Variants in ARHGAP26 observed in about 807,000 individuals in gnomAD.
ARHGAP26 encodes the protein Rho GTPase activating protein 26.
Under a neutral mutation model 104.8 loss-of-function variants are expected in ARHGAP26, and 38 were observed. The observed-to-expected ratio is 0.36, with a 90% confidence interval of 0.28 to 0.48. ARHGAP26 has a LOEUF of 0.48. Among genes scored for constraint, ARHGAP26 ranks in the 20% least tolerant of loss-of-function variants. The pLI, the probability that ARHGAP26 is intolerant of heterozygous loss-of-function variation, is 0.99. For synonymous variants in ARHGAP26, 341 were observed against 340.0 expected, an observed-to-expected ratio of 1.00 and a Z score of -0.03; for missense variants, 704 against 947.9, an observed-to-expected ratio of 0.74 and a Z score of 3.38.
intron 11 of ARHGAP26, among the ~76,000 whole-genome samples, chr5:142,954,773 C>A (rs1259738521): frequency 6.6e-6 from 1 of 152,230 alleles, no homozygotes; most frequent in Non-Finnish European, 1.5e-5. Context: ...CTGACTAGAT[C>A]TAGCCCTTTG....
intron 9 of ARHGAP26, among the ~76,000 whole-genome samples, chr5:142,912,008 A>G (rs1323212959): frequency 1.3e-5 from 2 of 152,246 alleles, no homozygotes; most frequent in Admixed American, 6.5e-5. Context: ...ATGTAGCCAC[A>G]CTTTCTGTTA....
chr5:143,043,271 G>C (rs1285146405), intron 14 of ARHGAP26, among the ~76,000 whole-genome samples: 1 of 152,176 alleles, frequency 6.6e-6, no homozygotes, highest in Non-Finnish European at 1.5e-5. Context: ...GTCATTTCAA[G>C]ATTATTATTT....
intron 17 of ARHGAP26, among the ~76,000 whole-genome samples, chr5:143,093,107 T>G (rs1387975939): frequency 6.6e-6 from 1 of 152,150 alleles, no homozygotes; most frequent in Non-Finnish European, 1.5e-5. Context: ...CAGAATAGCT[T>G]TATATGTTAA....
chr5:143,089,404 A>G (rs568360894), intron 17 of ARHGAP26, among the ~76,000 whole-genome samples: 1 of 152,328 alleles, frequency 6.6e-6, no homozygotes, highest in East Asian at 1.9e-4. Flanking sequence ...CTTTCTATTC[A>G]TGCTGTAAAG....
At chr5:142,838,662 T>G (rs1457010065) in intron 1 of ARHGAP26, among the ~76,000 whole-genome samples, 1 of 152,190 alleles carries the variant, frequency 6.6e-6, no homozygotes, top group Admixed American at 6.5e-5. Context: ...CTGTATATAG[T>G]GGGGCTTATA....
chr5:142,814,594 G>A (rs1356200123), intron 1 of ARHGAP26, among the ~76,000 whole-genome samples: 1 of 152,158 alleles, frequency 6.6e-6, no homozygotes, highest in Admixed American at 6.5e-5. Flanking sequence ...ACAACAAGGT[G>A]AGATAAACAA....
At chr5:143,197,388 T>C (rs138685953) in intron 20 of ARHGAP26, among the ~76,000 whole-genome samples, 3 of 152,344 alleles carry the variant, frequency 2.0e-5, no homozygotes, top group Non-Finnish European at 4.4e-5. Flanking sequence ...CATAAACCTC[T>C]GGTATTTCCA....
intron 17 of ARHGAP26, among the ~76,000 whole-genome samples, chr5:143,113,327 A>T (rs2150730537): frequency 6.6e-6 from 1 of 152,362 alleles, no homozygotes. Flanking sequence ...TTAACATCTC[A>T]GCAGCCTTCT....
chr5:142,812,329 C>T (rs1028131746), intron 1 of ARHGAP26, among the ~76,000 whole-genome samples: 5 of 151,962 alleles, frequency 3.3e-5, no homozygotes, highest in Non-Finnish European at 7.4e-5. Flanking sequence ...TCATGGCTCA[C>T]TGCATCCTTA....
At chr5:143,102,880 T>C (rs1374624401) in intron 17 of ARHGAP26, among the ~76,000 whole-genome samples, 1 of 152,070 alleles carries the variant, frequency 6.6e-6, no homozygotes. Context: ...AGTGCCTCTA[T>C]GAAATAGACC....
At chr5:143,111,201 T>C (rs992260630) in intron 17 of ARHGAP26, among the ~76,000 whole-genome samples, 1 of 152,178 alleles carries the variant, frequency 6.6e-6, no homozygotes, top group Non-Finnish European at 1.5e-5. Context: ...CTTGTAAAAA[T>C]AATCAGGTTC....
intron 1 of ARHGAP26, among the ~76,000 whole-genome samples, chr5:142,855,323 G>C (rs1167160335): frequency 4.6e-5 from 7 of 152,136 alleles, no homozygotes; most frequent in Non-Finnish European, 1.0e-4. Flanking sequence ...ATGCATTTAG[G>C]GTTATTGTTT....
chr5:142,999,950 CAGAAAAAAGACTTGA>C (rs1776968562), intron 11 of ARHGAP26, among the ~76,000 whole-genome samples: 1 of 151,976 alleles, frequency 6.6e-6, no homozygotes, highest in Admixed American at 6.6e-5. Flanking sequence ...AACTAAAAGA[CAGAAAAAAGACTTGA>C]AGAAACGCCG....
intron 12 of ARHGAP26, among the ~76,000 whole-genome samples, chr5:143,027,959 G>A (rs1781308301): frequency 6.6e-6 from 1 of 152,152 alleles, no homozygotes; most frequent in Admixed American, 6.5e-5. Context: ...GCCGCTACTG[G>A]AATAGAAATG....
intron 1 of ARHGAP26, among the ~76,000 whole-genome samples, chr5:142,846,577 A>G (rs948672298): frequency 2.6e-5 from 4 of 152,086 alleles, no homozygotes; most frequent in Non-Finnish European, 4.4e-5. Flanking sequence ...AGGATGTGCT[A>G]TGTCATTCCT....
At chr5:143,041,929 TGGG>T in intron 14 of ARHGAP26, 39 bp downstream of exon 14, 1 of 1,540,704 alleles carries the variant, frequency 6.5e-7, no homozygotes, top group Non-Finnish European at 8.8e-7. Context: ...GGTCCCTGGA[TGGG>T]GGGCCCACTC....
At chr5:142,924,594 C>T (rs973134076) in intron 10 of ARHGAP26, among the ~76,000 whole-genome samples, 1 of 152,194 alleles carries the variant, frequency 6.6e-6, no homozygotes, top group African/African-American at 2.4e-5. Context: ...TGGGGGCTGC[C>T]AGTTGCAGCA....
chr5:142,829,605 C>G (rs1218271785), intron 1 of ARHGAP26, among the ~76,000 whole-genome samples: 2 of 152,164 alleles, frequency 1.3e-5, no homozygotes, highest in Non-Finnish European at 2.9e-5. Flanking sequence ...ATCTCTGTGG[C>G]CTGCTTGCCG....
intron 18 of ARHGAP26, among the ~76,000 whole-genome samples, chr5:143,121,781 G>A (rs1241170904): frequency 6.6e-6 from 1 of 152,128 alleles, no homozygotes; most frequent in East Asian, 1.9e-4. Flanking sequence ...TTGTAAAACT[G>A]GGGAGGGGAC....
Sources: gnomAD v4.1 joint callset for allele counts (sites outside exome capture counted in the v4.1 genomes callset) on GRCh38, gnomAD v4.1.1 for gene constraint, MANE v1.5 for transcripts, NCBI Gene and HGNC (gene_info 2026-07-23, HGNC 2026-07-21) for gene names.